The following AGBL4 variants were observed in gnomAD, a reference collection of about 807,000 sequenced individuals.
AGBL4 encodes AGBL carboxypeptidase 4, also known as cytosolic carboxypeptidase 6.
Under a neutral mutation model 66.4 loss-of-function variants are expected in AGBL4, and 58 were observed. The ratio of observed to expected loss-of-function variants is 0.87; its 90% CI spans 0.71 to 1.09. The LOEUF is 1.09. Among genes scored for constraint, AGBL4 ranks in the 50% least tolerant of loss-of-function variants. The pLI, the probability that AGBL4 is intolerant of heterozygous loss-of-function variation, is 0.00. For synonymous variants in AGBL4, 234 were observed against 222.9 expected, an observed-to-expected ratio of 1.05 and a Z score of -0.44; for missense variants, 579 against 631.0, an observed-to-expected ratio of 0.92 and a Z score of 0.88.
chr1:49,420,425 G>A (rs1232850634), intron 3 of AGBL4, among the ~76,000 whole-genome samples: 1 of 151,946 alleles, frequency 6.6e-6, no homozygotes, highest in African/African-American at 2.4e-5. Context: ...TATTGGCCGG[G>A]TGCAGTGGCT....
intron 3 of AGBL4, among the ~76,000 whole-genome samples, chr1:49,348,870 A>G (rs960743710): frequency 6.6e-6 from 1 of 152,214 alleles, no homozygotes; most frequent in African/African-American, 2.4e-5. Context: ...TAGGAGTAGG[A>G]ACACACACGT....
At chr1:49,129,315 A>G (rs1234279681) in intron 4 of AGBL4, among the ~76,000 whole-genome samples, 1 of 151,550 alleles carries the variant, frequency 6.6e-6, no homozygotes, top group Admixed American at 6.6e-5. Flanking sequence ...TTGTTTTTTC[A>G]TTTTATTATT....
intron 5 of AGBL4, among the ~76,000 whole-genome samples, chr1:48,882,885 G>A (rs1485901984): frequency 6.6e-6 from 1 of 152,036 alleles, no homozygotes; most frequent in East Asian, 1.9e-4. Context: ...TTCTGTGCCT[G>A]GCTTATTTCA....
At chr1:48,584,515 A>C (rs1432361659) in intron 11 of AGBL4, 1 of 152,300 alleles carries the variant, frequency 6.6e-6, no homozygotes, top group Non-Finnish European at 1.5e-5. Flanking sequence ...CAGAAGTTTG[A>C]GACCAGCCTG....
intron 3 of AGBL4, among the ~76,000 whole-genome samples, chr1:49,622,618 G>T (rs1645385178): frequency 1.0e-5 from 1 of 97,944 alleles, no homozygotes; most frequent in Non-Finnish European, 1.8e-5. Context: ...GACAGAGCGA[G>T]ACTCCGTCTC....
chr1:49,520,218 T>A (rs564595855), intron 3 of AGBL4, among the ~76,000 whole-genome samples: 3 of 152,180 alleles, frequency 2.0e-5, no homozygotes, highest in African/African-American at 7.2e-5. Flanking sequence ...TGGTTATGCT[T>A]GTTTTATTTA....
intron 1 of AGBL4, among the ~76,000 whole-genome samples, chr1:49,954,502 A>C (rs1464791229): frequency 6.6e-6 from 1 of 152,044 alleles, no homozygotes; most frequent in Non-Finnish European, 1.5e-5. Context: ...TGACACAGCA[A>C]GAGGGCCTTT....
At chr1:48,895,298 G>A (rs1278037879) in intron 5 of AGBL4, among the ~76,000 whole-genome samples, 4 of 152,196 alleles carry the variant, frequency 2.6e-5, no homozygotes, top group African/African-American at 9.7e-5. Context: ...TCAGGCATGG[G>A]CCAGCCAGTG....
intron 5 of AGBL4, among the ~76,000 whole-genome samples, chr1:48,935,261 C>T (rs1205828560): frequency 3.3e-5 from 5 of 152,132 alleles, no homozygotes; most frequent in East Asian, 1.9e-4. Context: ...TGGAGGAATT[C>T]CCACTAAAAT....
At chr1:48,681,992 A>C (rs1646462637) in intron 6 of AGBL4, among the ~76,000 whole-genome samples, 1 of 152,242 alleles carries the variant, frequency 6.6e-6, no homozygotes, top group Non-Finnish European at 1.5e-5. Context: ...AAATGAGGTC[A>C]TAATTAAGTT....
chr1:48,699,065 C>T (rs865966768), intron 6 of AGBL4, among the ~76,000 whole-genome samples: 1 of 152,204 alleles, frequency 6.6e-6, no homozygotes, highest in South Asian at 2.1e-4. Flanking sequence ...GTCTCTCATG[C>T]CTGCCTCTAG....
At chr1:48,616,409 T>C (rs985373822) in intron 9 of AGBL4, among the ~76,000 whole-genome samples, 1 of 152,118 alleles carries the variant, frequency 6.6e-6, no homozygotes, top group African/African-American at 2.4e-5. Context: ...TTTTCTAAGG[T>C]TATACAACCA....
intron 7 of AGBL4, among the ~76,000 whole-genome samples, chr1:48,659,750 G>T (rs1053883945): frequency 6.6e-6 from 1 of 152,200 alleles, no homozygotes; most frequent in Non-Finnish European, 1.5e-5. Context: ...GTAAGGATTA[G>T]AGGAACCAGG....
At chr1:48,706,503 G>T (rs320048) in intron 6 of AGBL4, among the ~76,000 whole-genome samples, 139,194 of 152,040 alleles carry the variant, frequency 0.92, 64,931 homozygotes, top group Non-Finnish European at 1. Flanking sequence ...TTATGTCAAA[G>T]AATAAAAAAA....
intron 3 of AGBL4, among the ~76,000 whole-genome samples, chr1:49,297,038 CA>C: frequency 6.6e-6 from 1 of 152,276 alleles, no homozygotes; most frequent in East Asian, 1.9e-4. Flanking sequence ...TGCTCAAGGC[CA>C]AAAGCATTCC....
chr1:48,672,239 G>A (rs1441675273), intron 6 of AGBL4, among the ~76,000 whole-genome samples: 1 of 152,236 alleles, frequency 6.6e-6, no homozygotes, highest in Non-Finnish European at 1.5e-5. Flanking sequence ...TCCTGGCAAT[G>A]CAGGCACATT....
At chr1:48,977,046 G>A (rs545941522) in intron 5 of AGBL4, among the ~76,000 whole-genome samples, 1 of 151,922 alleles carries the variant, frequency 6.6e-6, no homozygotes, top group African/African-American at 2.4e-5. Context: ...TGTCCCTAGT[G>A]TGCCTGGCAC....
intron 6 of AGBL4, among the ~76,000 whole-genome samples, chr1:48,806,452 C>T (rs1645925604): frequency 6.6e-6 from 1 of 152,174 alleles, no homozygotes; most frequent in African/African-American, 2.4e-5. Flanking sequence ...AATAGCCATT[C>T]ACATTGAGCA....
chr1:49,247,985 A>G (rs1328672058), intron 3 of AGBL4, among the ~76,000 whole-genome samples: 1 of 152,126 alleles, frequency 6.6e-6, no homozygotes, highest in African/African-American at 2.4e-5. Context: ...CCTTCTCTAT[A>G]ATATTACATG....
Sources: gnomAD v4.1 joint callset for allele counts (sites outside exome capture counted in the v4.1 genomes callset) on GRCh38, gnomAD v4.1.1 for gene constraint, MANE v1.5 for transcripts, NCBI Gene and HGNC (gene_info 2026-07-23, HGNC 2026-07-21) for gene names.